The following OPCML variants were observed in gnomAD, a reference collection of about 807,000 sequenced individuals.
OPCML encodes opioid binding protein/cell adhesion molecule like.
Under a neutral mutation model 37.8 loss-of-function variants are expected in OPCML, and 13 were observed. The observed-to-expected ratio is 0.34, with a 90% CI of 0.22 to 0.55. The LOEUF (loss-of-function observed/expected upper bound fraction) is 0.55, where lower values mean the gene tolerates loss of function less well. Among genes scored for constraint, OPCML ranks in the 20% least tolerant of loss-of-function variants. The pLI, the probability that OPCML is intolerant of heterozygous loss-of-function variation, is 0.91. For synonymous variants in OPCML, 176 were observed against 168.8 expected (o/e 1.04, Z -0.33); for missense variants, 341 against 435.6 (o/e 0.78, Z 1.93).
At chr11:132,615,616 A>G (rs1191198079) in intron 3 of OPCML, among the ~76,000 whole-genome samples, 1 of 152,224 alleles carries the variant, frequency 6.6e-6, no homozygotes, top group Non-Finnish European at 1.5e-5. Context: ...GAAGTGATTT[A>G]TATGAGAGGA....
chr11:133,024,711 C>G, intron 1 of OPCML: 1 of 860,544 alleles, frequency 1.2e-6, no homozygotes, highest in Non-Finnish European at 1.4e-6. Flanking sequence ...AGGTTCTTAA[C>G]GTATGCATCT....
At chr11:132,623,600 C>T (rs751655) in intron 3 of OPCML, among the ~76,000 whole-genome samples, 28,061 of 151,904 alleles carry the variant, frequency 0.18, 2,634 homozygotes, top group Middle Eastern at 0.23. Context: ...ACTGTTTTAA[C>T]GAGAAAATCT....
intron 3 of OPCML, among the ~76,000 whole-genome samples, chr11:132,637,483 C>T (rs1940581475): frequency 1.3e-5 from 2 of 152,092 alleles, no homozygotes. Context: ...ATAATTTAGC[C>T]CATAGTCTAA....
intron 1 of OPCML, among the ~76,000 whole-genome samples, chr11:133,223,956 G>A (rs538064026): frequency 1.3e-5 from 2 of 152,274 alleles, no homozygotes; most frequent in South Asian, 4.1e-4. Context: ...TAGTTAATGT[G>A]CACTCCTTGT....
intron 1 of OPCML, among the ~76,000 whole-genome samples, chr11:133,479,512 C>T (rs1360358520): frequency 1.3e-5 from 2 of 152,190 alleles, no homozygotes; most frequent in Non-Finnish European, 2.9e-5. Flanking sequence ...GAAATGCAGC[C>T]CCAGTCAAGA....
intron 7 of OPCML, among the ~76,000 whole-genome samples, chr11:132,432,026 C>T (rs2136708928): frequency 6.6e-6 from 1 of 152,250 alleles, no homozygotes; most frequent in Admixed American, 6.5e-5. Flanking sequence ...GGAAAGTCAC[C>T]ATGTCCATGA....
rs532558338 is a variant in OPCML at position 132,416,078 on chromosome 11, A to T, written c.*4115T>A. ...TTTCCAAGATAAGGTCACGTGCAAA[A>T]TGAAAACAAAAGATTCTTGCTGTTG... On this transcript the variant is annotated 3_prime_UTR_variant, in exon 8 of 8. Transcript: ENST00000524381. The T allele has an allele frequency of 1.0e-4, 16 of 152,686 alleles. No homozygotes were observed. Among genetic ancestry groups the T allele is most frequent in the African/African-American group, 3.6e-4 (15 of 41,590 alleles). The allele number at this position is 152,686 out of a possible 1,614,324, so 9.5% of individuals were successfully genotyped here. A position where few individuals can be genotyped will look rare whatever the true frequency, so the allele number is the denominator to read the frequency against.
intron 1 of OPCML, chr11:133,065,227 G>C (rs1480389955): frequency 1.3e-5 from 2 of 152,390 alleles, no homozygotes; most frequent in Non-Finnish European, 2.9e-5. Context: ...GGGGCCTCCG[G>C]GGGCAGGATC....
chr11:133,327,539 G>C (rs3902912), intron 1 of OPCML, among the ~76,000 whole-genome samples: 64,866 of 151,822 alleles, frequency 0.43, 15,288 homozygotes, highest in East Asian at 0.83. Flanking sequence ...CTCAAGCTTC[G>C]ATAAATCTGC....
At chr11:132,693,413 G>A (rs1345654566) in intron 2 of OPCML, among the ~76,000 whole-genome samples, 1 of 152,102 alleles carries the variant, frequency 6.6e-6, no homozygotes, top group African/African-American at 2.4e-5. Context: ...TTCCACTGGG[G>A]CCCTAAGTGA....
chr11:132,670,526 T>C (rs1942427734), intron 2 of OPCML, among the ~76,000 whole-genome samples: 1 of 152,050 alleles, frequency 6.6e-6, no homozygotes, highest in Non-Finnish European at 1.5e-5. Flanking sequence ...ATACTGAAAA[T>C]TGATTTGCTT....
intron 4 of OPCML, among the ~76,000 whole-genome samples, chr11:132,517,155 C>T (rs1408373928): frequency 1.3e-5 from 2 of 152,180 alleles, no homozygotes; most frequent in African/African-American, 4.8e-5. Flanking sequence ...TTAGATACTG[C>T]CCTCTACATG....
At chr11:132,498,849 A>T (rs573199454) in intron 4 of OPCML, among the ~76,000 whole-genome samples, 1 of 152,334 alleles carries the variant, frequency 6.6e-6, no homozygotes, top group South Asian at 2.1e-4. Flanking sequence ...GACACTGTAG[A>T]TTTGAAGAGG....
intron 1 of OPCML, among the ~76,000 whole-genome samples, chr11:133,014,281 C>T (rs1384646452): frequency 2.0e-5 from 3 of 151,874 alleles, no homozygotes; most frequent in Non-Finnish European, 2.9e-5. Flanking sequence ...AAGTGGCTCT[C>T]GTGTGCATAT....
At chr11:133,336,247 G>T (rs567061820) in intron 1 of OPCML, among the ~76,000 whole-genome samples, 5 of 152,268 alleles carry the variant, frequency 3.3e-5, no homozygotes, top group African/African-American at 1.2e-4. Context: ...CTTGGGATCT[G>T]GGGGATAAAT....
At position 132,963,045 on chromosome 11, in the gene OPCML, C is replaced by T. The variant is rs189812319; in HGVS notation, c.62-20035G>A. Among the ~76,000 whole-genome samples, 491 of 152,266 alleles carry T rather than the reference C, an allele frequency of 3.2e-3. 4 individuals are homozygous for T. The highest frequency in any genetic ancestry group is 5.0e-3 in the Non-Finnish European group (340 of 68,024). ...GAAGCCTGACGTGACCACCCCTGGG[C>T]TCCAACACGGGAAACTGGCATGTCA... On this transcript the variant is annotated intron_variant, in intron 1 of 7. Coordinates refer to ENST00000524381, the MANE Select transcript of OPCML (RefSeq NM_001012393.5).
chr11:132,955,993 T>C (rs1473382158), intron 1 of OPCML, among the ~76,000 whole-genome samples: 1 of 152,232 alleles, frequency 6.6e-6, no homozygotes, highest in Non-Finnish European at 1.5e-5. Flanking sequence ...CCAATCAATA[T>C]TTATTCAATT....
chr11:132,980,542 T>C (rs923699224), intron 1 of OPCML, among the ~76,000 whole-genome samples: 16 of 152,250 alleles, frequency 1.1e-4, no homozygotes, highest in African/African-American at 3.1e-4. Flanking sequence ...GATTTATTAC[T>C]GATAAGTGCC....
At chr11:132,449,240 G>T (rs1393075274) in intron 4 of OPCML, among the ~76,000 whole-genome samples, 1 of 152,180 alleles carries the variant, frequency 6.6e-6, no homozygotes, top group Non-Finnish European at 1.5e-5. Flanking sequence ...AATTATGAAG[G>T]ACTATGTGTG....
Sources: gnomAD v4.1 joint callset for allele counts (sites outside exome capture counted in the v4.1 genomes callset) on GRCh38, gnomAD v4.1.1 for gene constraint, MANE v1.5 for transcripts, NCBI Gene and HGNC (gene_info 2026-07-23, HGNC 2026-07-21) for gene names.